The following CHRD variants were observed in gnomAD, a reference collection of about 807,000 sequenced individuals.
CHRD encodes the protein chordin.
Under a neutral mutation model 113.7 loss-of-function variants are expected in CHRD, and 69 were observed. That is an observed-to-expected ratio of 0.61 (90% CI 0.50 to 0.74). CHRD has a LOEUF of 0.74. Ranked by LOEUF, CHRD falls within the 30% of genes least tolerant of loss-of-function variation. The pLI is 0.00. For missense variants in CHRD, 1,194 were observed against 1,295.8 expected, an observed-to-expected ratio of 0.92 and a Z score of 1.21; for synonymous variants, 561 against 540.8, an observed-to-expected ratio of 1.04 and a Z score of -0.52.
Position 184,387,196 on chromosome 3 carries a change from G to T in CHRD, c.2347+89G>T, listed in dbSNP as rs774935343. On this transcript the variant is annotated intron_variant, in intron 18 of 22. Transcript: ENST00000204604. The surrounding 1 kb of genome is among the most constrained non-coding windows in gnomAD (Gnocchi z 6.1). ...GGGGACAAGAAGGGGAGAGTATATA[G>T]GGGGTGGCCTGAGGGGCACAGATTC... is the stretch of plus-strand genomic sequence containing the variant. 169 of 1,365,486 alleles carry T rather than the reference G, an allele frequency of 1.2e-4. No homozygotes were observed. The highest frequency in any genetic ancestry group is 1.6e-4 in the Non-Finnish European group (157 of 960,386). The allele number at this position is 1,365,486 out of a possible 1,614,324, so 84.6% of individuals were successfully genotyped here.
At chr3:184,382,771 G>A (rs368023006) in exon 8 of CHRD, 4 of 1,613,820 alleles carry the variant, frequency 2.5e-6, no homozygotes, top group Non-Finnish European at 3.4e-6. Flanking sequence ...ACCCAGGAGT[G>A]GGGGTAAGTG....
Position 184,383,382 on chromosome 3 carries a change from C to T in CHRD, c.1284C>T (p.Ser428=), listed in dbSNP as rs989095135. The change falls in exon 11 of 23, where the codon AGC becomes AGT. Residue 428 remains serine, a synonymous_variant. Transcript: ENST00000204604. ...AGACGGGTGCTGCCGGCTCAGCCAG[C>T]CTCACGCTGCTAGGAAATGGCTCCC... is the stretch of plus-strand genomic sequence containing the variant. 1.2e-5 allele frequency: 19 copies of T among 1,613,908 alleles called. No individual in the cohort carries two copies. In the African/African-American group the frequency reaches 2.4e-4, roughly 20 times the overall value.
Position 184,388,862 on chromosome 3 carries a change from G to A in CHRD, c.2710-31G>A, listed in dbSNP as rs78777137. 9.3e-3 allele frequency: 14,985 copies of A among 1,605,176 alleles called. 104 individuals carry two copies. Among genetic ancestry groups the A allele is most frequent in the Middle Eastern group, 0.013 (81 of 6,044 alleles). ...TCACTGTGTCCCAGTGCCTCTGGGG[G>A]ACACTCAGTGTCTGCTCTGTCTTGT... On this transcript the variant is annotated intron_variant, in intron 21 of 22. Transcript: ENST00000204604. The surrounding 1 kb of genome is among the most constrained non-coding windows in gnomAD (Gnocchi z 6.1).
Position 184,383,175 on chromosome 3 carries a change from G to T in CHRD, c.1213+12G>T, listed in dbSNP as rs376758248. 1.6e-3 allele frequency: 2,524 copies of T among 1,595,188 alleles called. 36 individuals carry two copies. The African/African-American group carries it at 0.029, about 19-fold the overall frequency. On this transcript the variant is annotated intron_variant, in intron 10 of 22. Coordinates refer to ENST00000204604, the Ensembl canonical transcript of CHRD. ...GAAGAGCTGCGACGGTGAGGCGGGG[G>T]GGGGGCCTGGTGCGCCGGGCATGCA...
In CHRD at chr3:184,386,843, A is replaced by C; in HGVS notation, c.2197-2A>C. The C allele has an allele frequency of 6.2e-7, 1 of 1,614,174 alleles. No homozygotes were observed. Among genetic ancestry groups the C allele is most frequent in the Admixed American group, 1.7e-5 (1 of 60,026 alleles). ...CGTCAATGCCTCTGCTCCTCTCTGC[A>C]GAGACGAACGGTGATCTGTGACCCG... On this transcript the variant is annotated splice_acceptor_variant, in intron 16 of 22. Coordinates refer to ENST00000204604, the Ensembl canonical transcript of CHRD. LOFTEE classifies it high-confidence loss of function.
Position 184,387,292 on chromosome 3 carries a change from G to C in CHRD, c.2348-82G>C. 6.7e-7 allele frequency: 1 copy of C among 1,484,744 alleles called. No individual in the cohort carries two copies. The highest frequency in any genetic ancestry group is 9.2e-7 in the Non-Finnish European group (1 of 1,091,014). 92.0% of individuals were successfully genotyped at this position (1,484,744 alleles called of 1,614,324 possible). ...GGGCCCTTGGCTTAGGCTCGTGTGG[G>C]GGTGGCCTGAGGCTCAAGCCTTGGT... On this transcript the variant is annotated intron_variant, in intron 18 of 22. Transcript: ENST00000204604. The surrounding 1 kb of genome is among the most constrained non-coding windows in gnomAD (Gnocchi z 6.1).
exon 7 of CHRD, chr3:184,382,429 G>A (rs147436706): frequency 9.3e-6 from 15 of 1,614,020 alleles, no homozygotes; most frequent in Admixed American, 5.0e-5. Flanking sequence ...TTGTCTCTGC[G>A]GCTCCTTAGG....
Position 184,380,478 on chromosome 3 carries a change from C to T in CHRD, c.148+12C>T, listed in dbSNP as rs563846109. On this transcript the variant is annotated intron_variant, in intron 1 of 22. Coordinates refer to ENST00000204604, the Ensembl canonical transcript of CHRD. The surrounding 1 kb of genome is among the most constrained non-coding windows in gnomAD (Gnocchi z 6.3). Reference sequence around the variant, plus strand: ...TCGGGGAGCGGCAGGTAGGTGGGCGCCCGGGGGAGGCGCGGGCGGGGAGTC... The same window carrying T: ...TCGGGGAGCGGCAGGTAGGTGGGCGTCCGGGGGAGGCGCGGGCGGGGAGTC... 1.2e-3 allele frequency: 1,372 copies of T among 1,178,216 alleles called. 16 individuals carry two copies. In the African/African-American group the frequency reaches 0.018, roughly 16 times the overall value. The allele number at this position is 1,178,216 out of a possible 1,614,324, so 73.0% of individuals were successfully genotyped here. A position where few individuals can be genotyped will look rare whatever the true frequency, so the allele number is the denominator to read the frequency against.
rs758699789 is a variant in CHRD at position 184,388,544 on chromosome 3, G to A, written c.2555-43G>A. The A allele has an allele frequency of 1.3e-6, 2 of 1,576,618 alleles. No individual in the cohort carries two copies. Among genetic ancestry groups the A allele is most frequent in the Admixed American group, 1.9e-5 (1 of 53,922 alleles). On this transcript the variant is annotated intron_variant, in intron 20 of 22. Coordinates refer to ENST00000204604, the Ensembl canonical transcript of CHRD. This position sits in a 1 kb window ranked among gnomAD's most constrained non-coding sequence, Gnocchi z 6.1. ...TCAAAGAGAATACTCATAAAACCTT[G>A]TTGGTCCTCCTGGGCTGATCCTTTC...
intron 7 of CHRD, 51 bp from the exon 8 acceptor site, chr3:184,382,583 G>C (rs1341238919): frequency 6.2e-7 from 1 of 1,610,998 alleles, no homozygotes; most frequent in South Asian, 1.1e-5. Flanking sequence ...CTATCACCCA[G>C]GAAAGGGGGG....
In CHRD at chr3:184,380,975, A is replaced by G; in HGVS notation, c.252+180A>G. The G allele has an allele frequency of 1.4e-6, 1 of 734,260 alleles. No homozygotes were observed. The highest frequency in any genetic ancestry group is 2.4e-6 in the Non-Finnish European group (1 of 414,868). 45.5% of individuals were successfully genotyped at this position (734,260 alleles called of 1,614,324 possible). On this transcript the variant is annotated intron_variant, in intron 2 of 22. Coordinates refer to ENST00000204604, the Ensembl canonical transcript of CHRD. This position sits in a 1 kb window ranked among gnomAD's most constrained non-coding sequence, Gnocchi z 6.3. Reference sequence around the variant, plus strand: ...TCTTAGGTGCTGTTACTGATCGCCCACTCTGTGTGAGGCTCTGTGCCAACT... The same window carrying G: ...TCTTAGGTGCTGTTACTGATCGCCCGCTCTGTGTGAGGCTCTGTGCCAACT...
At chr3:184,389,996 C>T (rs541748971), downstream of CHRD, 1 of 153,398 alleles carries the variant, frequency 6.5e-6, no homozygotes, top group Non-Finnish European at 1.5e-5. Context: ...CTGGGTTCCG[C>T]AGAGGGGCTG....
rs1457288041 is a variant in CHRD, at chr3:184,382,367, CCTT to C, written c.700-18_700-16del. 3 of 1,613,996 alleles carry C rather than the reference CCTT, an allele frequency of 1.9e-6. No homozygotes were observed. The highest frequency in any genetic ancestry group is 2.5e-6 in the Non-Finnish European group (3 of 1,180,012). On this transcript the variant is annotated intron_variant, in intron 6 of 22. Coordinates refer to ENST00000204604, the Ensembl canonical transcript of CHRD. ...GCCTGCACAGTGTCTGAGCGTAGGGCCTTCTTGTCTCTCTGCTCCAGGTCTGTG... is the reference window on the plus strand; with the variant it reads ...GCCTGCACAGTGTCTGAGCGTAGGGCCTTGTCTCTCTGCTCCAGGTCTGTG...
Position 184,382,282 on chromosome 3 carries a change from T to A in CHRD, c.700-107T>A, listed in dbSNP as rs187662384. ...CTTTCTTAAGCTTCCTAGGGCACCCTGGAGGTTCCTTTCCATGTTCCTTTT... is the reference window on the plus strand; with the variant it reads ...CTTTCTTAAGCTTCCTAGGGCACCCAGGAGGTTCCTTTCCATGTTCCTTTT... On this transcript the variant is annotated intron_variant, in intron 6 of 22. Coordinates refer to ENST00000204604, the Ensembl canonical transcript of CHRD. 317 of 1,547,678 alleles carry A rather than the reference T, an allele frequency of 2.0e-4. 2 individuals carry two copies. The East Asian group carries it at 4.0e-3, about 20-fold the overall frequency.
rs1716733692 is a variant in CHRD at position 184,388,519 on chromosome 3, T to A, written c.2555-68T>A. ...CCAGAAACTGCAACGTGCTGGGTAT[T>A]CAAAGAGAATACTCATAAAACCTTG... is the stretch of plus-strand genomic sequence containing the variant. On this transcript the variant is annotated intron_variant, in intron 20 of 22. Coordinates refer to ENST00000204604, the Ensembl canonical transcript of CHRD. The surrounding 1 kb of genome is among the most constrained non-coding windows in gnomAD (Gnocchi z 6.1). 4 of 1,529,324 alleles carry A rather than the reference T, an allele frequency of 2.6e-6. No individual in the cohort carries two copies. The African/African-American group carries it at 5.5e-5, about 21-fold the overall frequency. The allele number at this position is 1,529,324 out of a possible 1,614,324, so 94.7% of individuals were successfully genotyped here.
At chr3:184,382,572 T>C (rs1409890194) in intron 7 of CHRD, 42 bp downstream of exon 7, 2 of 1,611,714 alleles carry the variant, frequency 1.2e-6, no homozygotes, top group South Asian at 1.1e-5. Context: ...CTGAGTCTTC[T>C]CTATCACCCA....
chr3:184,381,856 GC>G lies in CHRD; in HGVS notation c.611+44del, dbSNP rs371908961. On this transcript the variant is annotated intron_variant, in intron 5 of 22. Coordinates refer to ENST00000204604, the Ensembl canonical transcript of CHRD. The surrounding 1 kb of genome is among the most constrained non-coding windows in gnomAD (Gnocchi z 4.7). ...GAGCAAGGAGGGGTCAGCTGCCGGG[GC>G]CCGGGAGGGAAACTGGGAGAGCTGG... 6.0e-4 allele frequency: 960 copies of G among 1,610,716 alleles called. 16 individuals carry two copies. In the South Asian group the frequency reaches 9.1e-3, roughly 15 times the overall value.
At chr3:184,382,738 C>T in exon 8 of CHRD, 1 of 1,613,932 alleles carries the variant, frequency 6.2e-7, no homozygotes, top group Non-Finnish European at 8.5e-7. Flanking sequence ...GCATTTTTTG[C>T]TGCTCTTCCG....
chr3:184,390,540 G>A (rs1370463055), downstream of CHRD: 1 of 151,870 alleles, frequency 6.6e-6, no homozygotes, highest in Non-Finnish European at 1.5e-5. Flanking sequence ...TTTTGGCTGT[G>A]CTTACCTTGA....
Sources: allele counts gnomAD v4.1 joint callset, GRCh38; gene constraint gnomAD v4.1.1; non-coding constraint Gnocchi (gnomAD v3.1); transcripts MANE v1.5; gene names NCBI Gene and HGNC (gene_info 2026-07-23, HGNC 2026-07-21).